SLC10A7: variants seen among roughly 807,000 people sequenced by gnomAD.
SLC10A7 encodes solute carrier family 10 member 7.
In SLC10A7, 29 loss-of-function variants were observed where a neutral mutation model predicts 43.2. The ratio of observed to expected loss-of-function variants is 0.67; its 90% CI spans 0.50 to 0.92. SLC10A7 has a LOEUF of 0.92. SLC10A7 is among the 40% of genes least tolerant of loss of function. The pLI is 0.00. For synonymous variants in SLC10A7, 152 were observed against 144.8 expected, an observed-to-expected ratio of 1.05 and a Z score of -0.35; for missense variants, 295 against 403.2, an observed-to-expected ratio of 0.73 and a Z score of 2.30.
At chr4:146,352,274 CA>C (rs1436050492) in intron 5 of SLC10A7, among the ~76,000 whole-genome samples, 1 of 89,018 alleles carries the variant, frequency 1.1e-5, no homozygotes, top group Non-Finnish European at 2.2e-5. Context: ...CAACAAAGAT[CA>C]AAAGAGACAA....
At chr4:146,434,130 C>T (rs1018586136) in intron 5 of SLC10A7, among the ~76,000 whole-genome samples, 24 of 151,890 alleles carry the variant, frequency 1.6e-4, no homozygotes, top group African/African-American at 5.6e-4. Flanking sequence ...TGAGAAAATA[C>T]TCACATACAT....
chr4:146,488,630 G>A (rs1735118836), intron 4 of SLC10A7, among the ~76,000 whole-genome samples: 1 of 152,142 alleles, frequency 6.6e-6, no homozygotes, highest in Admixed American at 6.5e-5. Context: ...CAACCCTATA[G>A]AAGTCTTTTA....
intron 6 of SLC10A7, among the ~76,000 whole-genome samples, chr4:146,316,864 C>T (rs1344112399): frequency 6.6e-6 from 1 of 152,066 alleles, no homozygotes; most frequent in African/African-American, 2.4e-5. Flanking sequence ...TTGATATCCT[C>T]CAGGGATTCT....
chr4:146,478,219 G>A (rs1032168922), intron 4 of SLC10A7: 3 of 152,178 alleles, frequency 2.0e-5, no homozygotes, highest in Non-Finnish European at 4.4e-5. Context: ...GACTCTCTCA[G>A]AACCAGACAT....
intron 2 of SLC10A7, among the ~76,000 whole-genome samples, chr4:146,513,105 T>C (rs1463324157): frequency 6.6e-6 from 1 of 151,672 alleles, no homozygotes; most frequent in African/African-American, 2.4e-5. Context: ...ACATTGTTTG[T>C]CTCCAGAGAA....
At chr4:146,452,827 C>T (rs966481622) in intron 4 of SLC10A7, among the ~76,000 whole-genome samples, 4 of 151,860 alleles carry the variant, frequency 2.6e-5, no homozygotes, top group African/African-American at 9.7e-5. Context: ...AGTACCATTA[C>T]TTAAATTACT....
intron 4 of SLC10A7, among the ~76,000 whole-genome samples, chr4:146,451,238 A>AAAAC (rs1553975801): frequency 6.8e-6 from 1 of 148,084 alleles, no homozygotes; most frequent in Non-Finnish European, 1.5e-5. Context: ...CACCAAAAAA[A>AAAAC]AAAAAAAAAA....
intron 6 of SLC10A7, among the ~76,000 whole-genome samples, chr4:146,323,705 G>A (rs955329689): frequency 6.6e-6 from 1 of 152,062 alleles, no homozygotes; most frequent in Non-Finnish European, 1.5e-5. Flanking sequence ...TGGCAATGTG[G>A]GCTCTTTTTT....
chr4:146,306,072 T>C (rs1309484258), intron 6 of SLC10A7, 63 bp from the exon 7 acceptor site: 3 of 1,287,372 alleles, frequency 2.3e-6, no homozygotes, highest in African/African-American at 3.0e-5. Context: ...TTAGTGTTTA[T>C]AAATAATGCA....
chr4:146,295,746 C>A (rs957486326), intron 7 of SLC10A7, among the ~76,000 whole-genome samples: 1 of 151,676 alleles, frequency 6.6e-6, no homozygotes, highest in African/African-American at 2.4e-5. Flanking sequence ...TGGTAGCTGC[C>A]CAAATTTAAT....
intron 5 of SLC10A7, among the ~76,000 whole-genome samples, chr4:146,418,753 TA>T (rs759633973): frequency 5.3e-5 from 8 of 152,134 alleles, no homozygotes; most frequent in Non-Finnish European, 8.8e-5. Flanking sequence ...AATTCAATTC[TA>T]ACACTCTCCA....
chr4:146,498,205 C>T (rs1270563636), intron 4 of SLC10A7, among the ~76,000 whole-genome samples: 7 of 151,896 alleles, frequency 4.6e-5, no homozygotes, highest in African/African-American at 9.7e-5. Context: ...GCAACCTCCG[C>T]GCCCCGGGTT....
chr4:146,351,553 C>T (rs1235400431), intron 5 of SLC10A7, among the ~76,000 whole-genome samples: 4 of 150,402 alleles, frequency 2.7e-5, no homozygotes, highest in East Asian at 2.0e-4. Context: ...AGATACTCCT[C>T]GAGAAGAGCA....
intron 7 of SLC10A7, among the ~76,000 whole-genome samples, chr4:146,296,036 A>C (rs530377983): frequency 3.3e-5 from 5 of 152,262 alleles, no homozygotes; most frequent in African/African-American, 1.2e-4. Context: ...TAATTAATCA[A>C]CTGTATAAGC....
At chr4:146,349,035 T>C (rs1294446517) in intron 5 of SLC10A7, among the ~76,000 whole-genome samples, 1 of 152,156 alleles carries the variant, frequency 6.6e-6, no homozygotes, top group Admixed American at 6.5e-5. Context: ...TCACTGAGAG[T>C]GTAATTTAGC....
intron 5 of SLC10A7, among the ~76,000 whole-genome samples, chr4:146,332,788 C>T (rs950034700): frequency 6.6e-6 from 1 of 152,044 alleles, no homozygotes; most frequent in Non-Finnish European, 1.5e-5. Flanking sequence ...TTTTGTTTTC[C>T]AAGTAGCATT....
chr4:146,340,664 C>G lies in SLC10A7; in HGVS notation c.436-14668G>C, dbSNP rs185761754. Among the ~76,000 whole-genome samples the G allele has an allele frequency of 2.2e-3, 339 of 151,558 alleles. 2 individuals are homozygous for G. Among genetic ancestry groups the G allele is most frequent in the African/African-American group, 8.0e-3 (329 of 41,360 alleles). On this transcript the variant is annotated intron_variant, in intron 5 of 11. Coordinates refer to ENST00000335472, the MANE Select transcript of SLC10A7 (RefSeq NM_001029998.6). ...ACATAGGTATATACAGCTAATTTTC[C>G]TTAATGTTTCAGTAGAGACTTATCC...
chr4:146,408,093 A>G (rs1382105269), intron 5 of SLC10A7, among the ~76,000 whole-genome samples: 1 of 152,150 alleles, frequency 6.6e-6, no homozygotes, highest in Non-Finnish European at 1.5e-5. Context: ...GTCAGCTGAG[A>G]GCCTCCTGGA....
At chr4:146,509,436 T>A (rs1034883684) in intron 3 of SLC10A7, among the ~76,000 whole-genome samples, 1 of 152,214 alleles carries the variant, frequency 6.6e-6, no homozygotes, top group African/African-American at 2.4e-5. Flanking sequence ...ACATAGTATG[T>A]TAGGGATATG....
Sources: allele counts gnomAD v4.1 joint callset (sites outside exome capture counted in the v4.1 genomes callset), GRCh38; gene constraint gnomAD v4.1.1; transcripts MANE v1.5; gene names NCBI Gene and HGNC (gene_info 2026-07-23, HGNC 2026-07-21).